The following ODAD3 variants were observed in gnomAD, a reference collection of about 807,000 sequenced individuals.
The protein encoded by ODAD3 is outer dynein arm docking complex subunit 3, also known as outer dynein arm-docking complex subunit 3.
ODAD3 carries 57 observed loss-of-function variants against 70.9 expected under a neutral mutation model. That is an observed-to-expected ratio of 0.80 (90% CI 0.65 to 1.00). The LOEUF (loss-of-function observed/expected upper bound fraction) is 1.00. ODAD3 is among the 50% of genes least tolerant of loss of function. The pLI is 0.00. For synonymous variants in ODAD3, 327 were observed against 315.9 expected (o/e 1.04, Z -0.37); for missense variants, 797 against 763.9 (o/e 1.04, Z -0.51).
Position 11,421,109 on chromosome 19 carries a change from T to TC in ODAD3, c.1675+18dup, listed in dbSNP as rs1479921056. The TC allele has an allele frequency of 7.5e-6, 12 of 1,607,088 alleles. No homozygotes were observed. Among genetic ancestry groups the TC allele is most frequent in the East Asian group, 6.8e-5 (3 of 44,406 alleles). ...TTGGGGCCCCAACCGCACCCCTTCATCCCCCCACCCATACTGACCAAAAAA... is the reference window on the plus strand; with the variant it reads ...TTGGGGCCCCAACCGCACCCCTTCATCCCCCCCACCCATACTGACCAAAAAA... On this transcript the variant is annotated intron_variant, in intron 12 of 12. Coordinates refer to ENST00000356392, the MANE Select transcript of ODAD3 (RefSeq NM_145045.5).
At position 11,427,512 on chromosome 19, in the gene ODAD3, C is replaced by G. The variant is rs146653610; in HGVS notation, c.445-472G>C. Among the ~76,000 whole-genome samples the G allele has an allele frequency of 8.3e-3, 1,187 of 142,992 alleles. 23 individuals carry two copies. The highest frequency in any genetic ancestry group is 0.029 in the African/African-American group (1,124 of 38,282). The allele number at this position is 142,992 out of a possible 152,430, so 93.8% of individuals were successfully genotyped here. A position where few individuals can be genotyped will look rare whatever the true frequency, so the allele number is the denominator to read the frequency against. On this transcript the variant is annotated intron_variant, in intron 3 of 12. Transcript: ENST00000356392. ...TTTTTTTTTTTTTGAAACGGAGTCT[C>G]GCTCTGTCGCCCAGGCTGAAGTGTA...
At chr19:11,425,455 A>ATG in intron 7 of ODAD3, among the ~76,000 whole-genome samples, 1 of 135,344 alleles carries the variant, frequency 7.4e-6, no homozygotes, top group South Asian at 2.2e-4. Context: ...ATATACATAT[A>ATG]TGTGTGTGTA....
intron 7 of ODAD3, among the ~76,000 whole-genome samples, chr19:11,425,461 GTGTATATA>G (rs1299386925): frequency 2.8e-5 from 3 of 107,254 alleles, no homozygotes; most frequent in South Asian, 2.7e-4. Flanking sequence ...ATATATGTGT[GTGTATATA>G]TGTATATATG....
chr19:11,425,136 T>A (rs550439305), intron 7 of ODAD3, among the ~76,000 whole-genome samples: 3 of 135,458 alleles, frequency 2.2e-5, no homozygotes, highest in Non-Finnish European at 4.6e-5. Flanking sequence ...TGTGTATATG[T>A]GTATATGTAC....
Position 11,420,625 on chromosome 19 carries a change from G to T in ODAD3, c.*210C>A, listed in dbSNP as rs370029828. 1.7e-6 allele frequency: 1 copy of T among 593,388 alleles called. No individual in the cohort carries two copies. The highest frequency in any genetic ancestry group is 2.0e-5 in the South Asian group (1 of 49,752). 36.8% of individuals were successfully genotyped at this position (593,388 alleles called of 1,614,324 possible). A position where few individuals can be genotyped will look rare whatever the true frequency, so the allele number is the denominator to read the frequency against. ...AGGGGCATGGTCGGTAACATTTATT[G>T]CGCAACTCTGAGGCCGGGGCGGACC... On this transcript the variant is annotated 3_prime_UTR_variant, in exon 13 of 13. Coordinates refer to ENST00000356392, the MANE Select transcript of ODAD3 (RefSeq NM_145045.5).
At chr19:11,428,882 T>TTTA (rs1183038618) in intron 3 of ODAD3, among the ~76,000 whole-genome samples, 4 of 150,546 alleles carry the variant, frequency 2.7e-5, no homozygotes, top group Non-Finnish European at 5.9e-5. Context: ...TATTTATTTA[T>TTTA]TTATTTATTT....
chr19:11,429,985 G>A (rs939127813), intron 3 of ODAD3, among the ~76,000 whole-genome samples: 2 of 151,996 alleles, frequency 1.3e-5, no homozygotes, highest in African/African-American at 4.8e-5. Flanking sequence ...TTACAGGCAT[G>A]TGCCACTGGT....
At chr19:11,432,466 G>T (rs1201973700) in intron 1 of ODAD3, among the ~76,000 whole-genome samples, 1 of 151,536 alleles carries the variant, frequency 6.6e-6, no homozygotes. Flanking sequence ...GGCTGGTCTC[G>T]AACTCCTGGC....
At chr19:11,431,135 G>C in intron 1 of ODAD3, 115 bp from the exon 2 acceptor site, 1 of 1,308,082 alleles carries the variant, frequency 7.6e-7, no homozygotes, top group Non-Finnish European at 1.1e-6. Context: ...TTTTGAGATG[G>C]AGTTTCACTC....
rs905190788 is a variant in ODAD3 at position 11,425,161 on chromosome 19, A to G, written c.963+983T>C. 2.3e-5 allele frequency among the ~76,000 whole-genome samples: 3 copies of G among 130,040 alleles called. 1 individual carries two copies. The highest frequency in any genetic ancestry group is 6.4e-5 in the African/African-American group (2 of 31,036). The allele number at this position is 130,040 out of a possible 152,430, so 85.3% of individuals were successfully genotyped here. A position where few individuals can be genotyped will look rare whatever the true frequency, so the allele number is the denominator to read the frequency against. Reference sequence around the variant, plus strand: ...TGTATATGTACATATGTATATATACATATGTGTATATGTACATATGTGTAT... The same window carrying G: ...TGTATATGTACATATGTATATATACGTATGTGTATATGTACATATGTGTAT... On this transcript the variant is annotated intron_variant, in intron 7 of 12. Coordinates refer to ENST00000356392, the MANE Select transcript of ODAD3 (RefSeq NM_145045.5).
In ODAD3 at chr19:11,422,784, C is replaced by CGTCT. The variant is rs1270553008; in HGVS notation, c.1190_1193dup (p.Leu399AspfsTer97). On this transcript the variant is annotated frameshift_variant, in exon 9 of 13. Transcript: ENST00000356392. LOFTEE classifies it high-confidence loss of function. This position sits in a 1 kb window ranked among gnomAD's most constrained non-coding sequence, Gnocchi z 4.6. ...GCTTCTCCTGCTTCAGCCTCACCAA[C>CGTCT]GTCTGCTCGTTCTCGCTCTTGAGCG... 6.2e-7 allele frequency: 1 copy of CGTCT among 1,611,230 alleles called. No individual in the cohort carries two copies. The highest frequency in any genetic ancestry group is 2.2e-5 in the East Asian group (1 of 44,892).
intron 1 of ODAD3, 34 bp downstream of exon 1, chr19:11,434,739 C>A (rs996539148): frequency 1.9e-6 from 3 of 1,580,536 alleles, no homozygotes; most frequent in Non-Finnish European, 2.6e-6. Context: ...CACTGTTGAC[C>A]CCTGACCCTC....
intron 7 of ODAD3, among the ~76,000 whole-genome samples, chr19:11,424,452 T>C (rs1296230230): frequency 1.3e-5 from 2 of 150,900 alleles, no homozygotes; most frequent in Non-Finnish European, 2.9e-5. Context: ...CAGTGAGCTA[T>C]AATTAGTCTG....
chr19:11,425,101 ATGTATATATG>A (rs1331735805), intron 7 of ODAD3, among the ~76,000 whole-genome samples: 1 of 133,268 alleles, frequency 7.5e-6, no homozygotes, highest in Non-Finnish European at 1.5e-5. Flanking sequence ...ATGTGTATAT[ATGTATATATG>A]TGTATATGTA....
upstream of ODAD3, chr19:11,435,199 TC>T: frequency 7.0e-7 from 1 of 1,425,348 alleles, no homozygotes; most frequent in Non-Finnish European, 9.1e-7. Context: ...CTCCACTGTT[TC>T]CATGGAGATC....
rs1969320288 is a variant in ODAD3 at position 11,425,410 on chromosome 19, C to CATGTGTATATGTGT, written c.963+733_963+734insACACATATACACAT. On this transcript the variant is annotated intron_variant, in intron 7 of 12. Coordinates refer to ENST00000356392, the MANE Select transcript of ODAD3 (RefSeq NM_145045.5). ...GTACATATGTGTATATGTATATATACATATATGTGTATATACACATATGTG... is the reference window on the plus strand; with the variant it reads ...GTACATATGTGTATATGTATATATACATGTGTATATGTGTATATATGTGTATATACACATATGTG... 3.6e-4 allele frequency among the ~76,000 whole-genome samples: 36 copies of CATGTGTATATGTGT among 99,976 alleles called. 3 individuals carry two copies. The highest frequency in any genetic ancestry group is 1.2e-3 in the East Asian group (4 of 3,358). The allele number at this position is 99,976 out of a possible 152,430, so 65.6% of individuals were successfully genotyped here. A position where few individuals can be genotyped will look rare whatever the true frequency, so the allele number is the denominator to read the frequency against.
chr19:11,435,606 A>C (rs1376940364), upstream of ODAD3: 3 of 1,054,588 alleles, frequency 2.8e-6, no homozygotes, highest in Admixed American at 7.0e-5. Flanking sequence ...GTACGACCGG[A>C]AGTGACGGGG....
In ODAD3 at chr19:11,422,127, G is replaced by A. The variant is rs1054983898; in HGVS notation, c.1435-295C>T. On this transcript the variant is annotated intron_variant, in intron 10 of 12. Transcript: ENST00000356392. This position sits in a 1 kb window ranked among gnomAD's most constrained non-coding sequence, Gnocchi z 4.6. The stretch of plus-strand genomic sequence containing the variant: ...AAGAAATGGCCCTCTGCTGCGGGCA[G>A]GATAGGTCTTCTGTCTCGGGCTGCT... 6.6e-6 allele frequency among the ~76,000 whole-genome samples: 1 copy of A among 152,252 alleles called. No homozygotes were observed. Among genetic ancestry groups the A allele is most frequent in the Non-Finnish European group, 1.5e-5 (1 of 68,040 alleles).
At chr19:11,427,283 A>T (rs34102) in intron 3 of ODAD3, among the ~76,000 whole-genome samples, 39,107 of 151,536 alleles carry the variant, frequency 0.26, 7,816 homozygotes, top group African/African-American at 0.56. Context: ...AAATATTTTT[A>T]AATTTTTCTT....
Sources: gnomAD v4.1 joint callset for allele counts (sites outside exome capture counted in the v4.1 genomes callset) on GRCh38, gnomAD v4.1.1 for gene constraint, Gnocchi (gnomAD v3.1) non-coding constraint, MANE v1.5 for transcripts, NCBI Gene and HGNC (gene_info 2026-07-23, HGNC 2026-07-21) for gene names.